The following TAF15 variants were observed in gnomAD, a reference collection of about 807,000 sequenced individuals.
The protein encoded by TAF15 is TATA-binding protein-associated factor 2N.
Under a neutral mutation model 102.5 loss-of-function variants are expected in TAF15, and 37 were observed. The ratio of observed to expected loss-of-function variants is 0.36; its 90% CI spans 0.28 to 0.47. The LOEUF is 0.47. Among genes scored for constraint, TAF15 ranks in the 20% least tolerant of loss-of-function variants. TAF15 has a pLI of 0.99. For synonymous variants in TAF15, 273 were observed against 259.2 expected (o/e 1.05, Z -0.51); for missense variants, 652 against 760.7 (o/e 0.86, Z 1.68).
intron 12 of TAF15, among the ~76,000 whole-genome samples, chr17:35,843,831 A>G (rs1469741939): frequency 6.6e-6 from 1 of 152,188 alleles, no homozygotes; most frequent in Non-Finnish European, 1.5e-5. Context: ...TATTACAGAA[A>G]ATGGACTTTG....
intron 12 of TAF15, 77 bp from the exon 13 acceptor site, chr17:35,844,000 C>T (rs2087578512): frequency 1.6e-6 from 2 of 1,287,368 alleles, no homozygotes; most frequent in East Asian, 2.3e-5. Context: ...GGTATCTACT[C>T]TTATGTTATC....
intron 9 of TAF15, 137 bp downstream of exon 9, chr17:35,834,735 TATTTC>T: frequency 6.6e-6 from 4 of 602,624 alleles, no homozygotes; most frequent in Non-Finnish European, 8.1e-6. Flanking sequence ...TGGGGAGCTT[TATTTC>T]TTTTTTTTTT....
intron 1 of TAF15, chr17:35,809,896 G>C: frequency 5.5e-6 from 3 of 544,842 alleles, no homozygotes. Flanking sequence ...TCGTAGGGGC[G>C]GGGGGAGCCG....
At chr17:35,823,949 C>G (rs2087294995) in intron 6 of TAF15, 129 bp from the exon 7 acceptor site, 1 of 1,114,608 alleles carries the variant, frequency 9.0e-7, no homozygotes, top group South Asian at 1.3e-5. Context: ...TGATGACTTG[C>G]ATTTGAGTTG....
In TAF15 at chr17:35,823,900, G is replaced by C. The variant is rs4251752; in HGVS notation, c.485-178G>C. On this transcript the variant is annotated intron_variant, in intron 6 of 15. Coordinates refer to ENST00000605844, the MANE Select transcript of TAF15 (RefSeq NM_139215.3). Reference sequence around the variant, plus strand: ...GTTTAGCAGAATGGAATTTGACACAGATAAAATTCTCAAAAACATGTAATT... The same window carrying C: ...GTTTAGCAGAATGGAATTTGACACACATAAAATTCTCAAAAACATGTAATT... Among the ~76,000 whole-genome samples the C allele has an allele frequency of 0.095, 14,390 of 152,112 alleles. 875 individuals are homozygous for C. Among genetic ancestry groups the C allele is most frequent in the East Asian group, 0.22 (1,118 of 5,170 alleles).
Position 35,817,747 on chromosome 17 carries a change from G to T in TAF15, c.39G>T (p.Glu13Asp). 6.2e-7 allele frequency: 1 copy of T among 1,613,460 alleles called. No individual in the cohort carries two copies. Among genetic ancestry groups the T allele is most frequent in the Non-Finnish European group, 8.5e-7 (1 of 1,179,470 alleles). ...GAAGTTACGGTCAGTCTGGGGGTGA[G>T]CAGCAAAGGTAAAGTATACATACAT... is the stretch of plus-strand genomic sequence containing the variant. ...DSGSYGQSGG[E>D]QQSYSTYGNP... Residue 13 changes from glutamate (E) to aspartate (D), a missense_variant, in exon 2 of 16, where the codon GAG becomes GAT. Coordinates refer to ENST00000605844, the MANE Select transcript of TAF15 (RefSeq NM_139215.3).
chr17:35,831,299 C>T (rs1288931853), intron 7 of TAF15, among the ~76,000 whole-genome samples: 6 of 151,060 alleles, frequency 4.0e-5, no homozygotes, highest in African/African-American at 9.7e-5. Flanking sequence ...CCCAGCTACT[C>T]GGGAGGCTGA....
chr17:35,809,798 C>A (rs2087103482), intron 1 of TAF15: 2 of 628,580 alleles, frequency 3.2e-6, no homozygotes, highest in South Asian at 3.8e-5. Flanking sequence ...GGCCTCTTGT[C>A]TTTTGACCCT....
chr17:35,824,094 G>C lies in TAF15; in HGVS notation c.501G>C (p.Val167=), dbSNP rs945006859. ...TTTTTGTAGATGACCGTCGTGATGT[G>C]AGTAGGTATGGAGAAGATAATAGAG... ...SHHTQDDRRD[V]SRYGEDNRGY... The change falls in exon 7 of 16, where the codon GTG becomes GTC. Residue 167 remains valine, a synonymous_variant. Transcript: ENST00000605844. 1 of 1,614,188 alleles carries C rather than the reference G, an allele frequency of 6.2e-7. No individual in the cohort carries two copies.
chr17:35,822,765 A>G lies in TAF15; in HGVS notation c.416A>G (p.His139Arg). The change falls in exon 6 of 16, where the codon CAT (histidine) becomes CGT (arginine). Residue 139 changes from histidine to arginine, a missense_variant. Transcript: ENST00000605844. ...GAGCAGTCAAATTATGATCAGCAGCATGATTCCTATAGTCAAAACCAGCAG... is the reference window on the plus strand; with the variant it reads ...GAGCAGTCAAATTATGATCAGCAGCGTGATTCCTATAGTCAAAACCAGCAG... ...YDEQSNYDQQ[H>R]DSYSQNQQSY... 35 of 1,614,200 alleles carry G rather than the reference A, an allele frequency of 2.2e-5. No individual in the cohort carries two copies. The highest frequency in any genetic ancestry group is 3.0e-5 in the Non-Finnish European group (35 of 1,180,032).
intron 7 of TAF15, among the ~76,000 whole-genome samples, chr17:35,833,235 T>C (rs1404966496): frequency 1.3e-5 from 2 of 152,052 alleles, no homozygotes; most frequent in East Asian, 1.9e-4. Flanking sequence ...GTACAGAGCA[T>C]GTGGCAGCAT....
intron 1 of TAF15, among the ~76,000 whole-genome samples, chr17:35,815,129 A>G (rs1426259056): frequency 6.6e-6 from 1 of 152,230 alleles, no homozygotes; most frequent in African/African-American, 2.4e-5. Flanking sequence ...CCAAGGGGGA[A>G]AAGCAAAACA....
Position 35,844,997 on chromosome 17 carries a change from C to T in TAF15, c.1698C>T (p.Tyr566=), listed in dbSNP as rs199597033. Residue 566 remains tyrosine (Y), a synonymous_variant, in exon 15 of 16, where the codon TAC becomes TAT. Coordinates refer to ENST00000605844, the MANE Select transcript of TAF15 (RefSeq NM_139215.3). The stretch of plus-strand genomic sequence containing the variant: ...ATGGAGGAGACCGAGGTGGGGGCTA[C>T]GGAGGAGACCGAGGTGGCTATGGAG... ...GGYGGDRGGG[Y]GGDRGGYGGK... is the part of the protein sequence containing the mutation. 11 of 1,605,892 alleles carry T rather than the reference C, an allele frequency of 6.8e-6. No individual in the cohort carries two copies. The highest frequency in any genetic ancestry group is 2.2e-5 in the South Asian group (2 of 90,654).
At chr17:35,837,704 G>A (rs1173322065) in intron 10 of TAF15, among the ~76,000 whole-genome samples, 4 of 152,040 alleles carry the variant, frequency 2.6e-5, no homozygotes, top group African/African-American at 7.2e-5. Flanking sequence ...GCATGCGCCT[G>A]TAGTCCCAGC....
intron 6 of TAF15, among the ~76,000 whole-genome samples, chr17:35,823,213 AGT>A (rs2087284391): frequency 6.6e-6 from 1 of 152,194 alleles, no homozygotes; most frequent in Non-Finnish European, 1.5e-5. Context: ...AATAATTGTA[AGT>A]GTAAGTAAGT....
At chr17:35,845,072 C>G in intron 15 of TAF15, 34 bp downstream of exon 15, 6 of 1,611,792 alleles carry the variant, frequency 3.7e-6, no homozygotes, top group Non-Finnish European at 5.1e-6. Flanking sequence ...AACCTTTTTA[C>G]CTCACTGCAC....
chr17:35,819,688 T>C (rs944150134), intron 2 of TAF15, among the ~76,000 whole-genome samples: 5 of 152,224 alleles, frequency 3.3e-5, no homozygotes, highest in African/African-American at 9.6e-5. Flanking sequence ...GTATTTATTA[T>C]AAGTCTTGCT....
At chr17:35,819,168 A>G (rs535221244) in intron 2 of TAF15, among the ~76,000 whole-genome samples, 6 of 152,234 alleles carry the variant, frequency 3.9e-5, no homozygotes, top group Non-Finnish European at 5.9e-5. Flanking sequence ...CTTGTAAGAT[A>G]GTGCTAACTT....
chr17:35,824,203 G>T lies in TAF15; in HGVS notation c.605+5G>T. On this transcript the variant is annotated splice_donor_5th_base_variant and intron_variant, in intron 7 of 15. Coordinates refer to ENST00000605844, the MANE Select transcript of TAF15 (RefSeq NM_139215.3). ...AGGTCCTATGACAGGATCAAGGTAAGTATGTAGATAAAGATGCGTACATTT... is the reference window on the plus strand; with the variant it reads ...AGGTCCTATGACAGGATCAAGGTAATTATGTAGATAAAGATGCGTACATTT... 1 of 1,612,816 alleles carries T rather than the reference G, an allele frequency of 6.2e-7. No homozygotes were observed.
Sources: gnomAD v4.1 joint callset for allele counts (sites outside exome capture counted in the v4.1 genomes callset) on GRCh38, gnomAD v4.1.1 for gene constraint, MANE v1.5 for transcripts, NCBI Gene and HGNC (gene_info 2026-07-23, HGNC 2026-07-21) for gene names.